Variants in CTNND2 observed in about 807,000 individuals in gnomAD.
The protein encoded by CTNND2 is catenin delta 2, also known as catenin delta-2.
A neutral mutation model predicts 144.4 loss-of-function variants in CTNND2; 22 were observed. The observed-to-expected ratio is 0.15, with a 90% CI of 0.11 to 0.22. The LOEUF is 0.22. Among genes scored for constraint, CTNND2 ranks in the 10% least tolerant of loss-of-function variants. The probability of loss-of-function intolerance (pLI) is 1.00; values close to 1 mark genes in which losing one functional copy is unlikely to be tolerated. For synonymous variants in CTNND2, 751 were observed against 695.6 expected (o/e 1.08, Z -1.25); for missense variants, 1,353 against 1,618.8 (o/e 0.84, Z 2.82).
intron 13 of CTNND2, among the ~76,000 whole-genome samples, chr5:11,111,658 C>CGG (rs1360413064): frequency 1.3e-5 from 2 of 152,236 alleles, no homozygotes; most frequent in South Asian, 2.1e-4. Context: ...GTTGTGGAGC[C>CGG]AGACACCTGT....
At chr5:11,526,998 T>C (rs1262155272) in intron 3 of CTNND2, among the ~76,000 whole-genome samples, 2 of 152,148 alleles carry the variant, frequency 1.3e-5, no homozygotes, top group African/African-American at 2.4e-5. Flanking sequence ...GGACAAATAC[T>C]GTATGAATCT....
At chr5:11,854,316 A>G (rs960996357) in intron 1 of CTNND2, among the ~76,000 whole-genome samples, 1 of 152,056 alleles carries the variant, frequency 6.6e-6, no homozygotes, top group African/African-American at 2.4e-5. Context: ...CTCCACTTTT[A>G]TTTTGTTTTC....
At chr5:11,728,432 C>T (rs144045266) in intron 2 of CTNND2, among the ~76,000 whole-genome samples, 2,296 of 152,146 alleles carry the variant, frequency 0.015, 64 homozygotes, top group African/African-American at 0.052. Context: ...GAGCCAAGAT[C>T]GCACCACCGC....
intron 1 of CTNND2, among the ~76,000 whole-genome samples, chr5:11,781,149 G>C (rs2126848088): frequency 6.6e-6 from 1 of 152,156 alleles, no homozygotes; most frequent in Middle Eastern, 3.4e-3. Flanking sequence ...CAGTCACTAG[G>C]GGTTTGGCAA....
At chr5:11,731,646 T>C (rs1787396204) in intron 2 of CTNND2, among the ~76,000 whole-genome samples, 1 of 152,174 alleles carries the variant, frequency 6.6e-6, no homozygotes, top group Admixed American at 6.5e-5. Context: ...TCGTTCAGAC[T>C]TTCATTAGTT....
intron 1 of CTNND2, among the ~76,000 whole-genome samples, chr5:11,890,842 G>A (rs1278239334): frequency 6.6e-6 from 1 of 152,194 alleles, no homozygotes; most frequent in Non-Finnish European, 1.5e-5. Flanking sequence ...GGCCAAAGTG[G>A]CTAGAGCCTA....
chr5:11,404,129 G>A (rs562328786), intron 5 of CTNND2, among the ~76,000 whole-genome samples: 3 of 152,320 alleles, frequency 2.0e-5, no homozygotes. Context: ...GGGACATGAT[G>A]TTGTTACATG....
At chr5:11,619,202 G>A (rs1306146714) in intron 2 of CTNND2, among the ~76,000 whole-genome samples, 2 of 152,148 alleles carry the variant, frequency 1.3e-5, no homozygotes. Flanking sequence ...GAGGTATGGA[G>A]TTCGAGACCA....
chr5:11,288,181 C>T (rs369927138), intron 9 of CTNND2, among the ~76,000 whole-genome samples: 5 of 152,034 alleles, frequency 3.3e-5, no homozygotes, highest in African/African-American at 7.2e-5. Context: ...GCATGGGAGA[C>T]GCCTGCTATA....
chr5:11,712,493 T>C (rs1292612386), intron 2 of CTNND2, among the ~76,000 whole-genome samples: 3 of 152,168 alleles, frequency 2.0e-5, no homozygotes, highest in African/African-American at 4.8e-5. Context: ...GAAATGTTTG[T>C]ACTGTTCTGT....
At position 11,741,898 on chromosome 5, in the gene CTNND2, C is replaced by T. The variant is rs181555960; in HGVS notation, c.38-9626G>A. On this transcript the variant is annotated intron_variant, in intron 1 of 21. Transcript: ENST00000304623. Reference sequence around the variant, plus strand: ...AAAAGGAATGAAATAATGTTATTTGCAGTGACCTGGATGGAATTGGAGCCA... The same window carrying T: ...AAAAGGAATGAAATAATGTTATTTGTAGTGACCTGGATGGAATTGGAGCCA... 2.4e-3 allele frequency among the ~76,000 whole-genome samples: 359 copies of T among 150,994 alleles called. 1 individual carries two copies. The highest frequency in any genetic ancestry group is 8.3e-3 in the African/African-American group (341 of 41,086).
At chr5:11,860,154 T>C (rs561697981) in intron 1 of CTNND2, among the ~76,000 whole-genome samples, 2 of 152,330 alleles carry the variant, frequency 1.3e-5, no homozygotes, top group African/African-American at 2.4e-5. Context: ...TTTTATCAGA[T>C]TGGCCATAAA....
At chr5:11,802,842 A>G (rs906398551) in intron 1 of CTNND2, among the ~76,000 whole-genome samples, 8 of 152,202 alleles carry the variant, frequency 5.3e-5, no homozygotes, top group African/African-American at 1.7e-4. Flanking sequence ...AGTCCCTTCT[A>G]TGAGCATGTG....
intron 1 of CTNND2, among the ~76,000 whole-genome samples, chr5:11,808,801 T>C (rs1792151195): frequency 6.6e-6 from 1 of 152,184 alleles, no homozygotes; most frequent in Admixed American, 6.6e-5. Context: ...ATTTTCTTAG[T>C]AAAAACAACA....
At position 11,879,356 on chromosome 5, in the gene CTNND2, T is replaced by TATATATATATATATATATAC. The variant is rs904010417; in HGVS notation, c.37+24460_37+24461insGTATATATATATATATATAT. On this transcript the variant is annotated intron_variant, in intron 1 of 21. Coordinates refer to ENST00000304623, the MANE Select transcript of CTNND2 (RefSeq NM_001332.4). ...TTAAATGTGTGTATATATATATATA[T>TATATATATATATATATATAC]ACATATACACACACACACAAACATA... is the stretch of plus-strand genomic sequence containing the variant. 3.5e-4 allele frequency among the ~76,000 whole-genome samples: 50 copies of TATATATATATATATATATAC among 141,414 alleles called. 1 individual carries two copies. Among genetic ancestry groups the TATATATATATATATATATAC allele is most frequent in the South Asian group, 9.1e-4 (4 of 4,378 alleles). The allele number at this position is 141,414 out of a possible 152,430, so 92.8% of individuals were successfully genotyped here.
intron 3 of CTNND2, among the ~76,000 whole-genome samples, chr5:11,535,463 A>G (rs973502241): frequency 3.9e-5 from 6 of 152,206 alleles, no homozygotes; most frequent in Non-Finnish European, 1.5e-5. Flanking sequence ...TATAGGTAGT[A>G]TCATGATAAC....
At chr5:11,015,068 G>C (rs1354183166) in intron 18 of CTNND2, among the ~76,000 whole-genome samples, 1 of 151,952 alleles carries the variant, frequency 6.6e-6, no homozygotes, top group Non-Finnish European at 1.5e-5. Context: ...TTTTCCTTTG[G>C]AACGCTTCCT....
intron 9 of CTNND2, among the ~76,000 whole-genome samples, chr5:11,304,072 T>C (rs1749906713): frequency 6.6e-6 from 1 of 152,190 alleles, no homozygotes; most frequent in South Asian, 2.1e-4. Flanking sequence ...CCCAGCCACG[T>C]GGAACTGTGA....
rs548645836 is a variant in CTNND2 at position 11,221,522 on chromosome 5, G to A, written c.1761+15169C>T. 3.3e-5 allele frequency among the ~76,000 whole-genome samples: 5 copies of A among 152,300 alleles called. No homozygotes were observed. In the South Asian group the frequency reaches 1.0e-3, roughly 32 times the overall value. On this transcript the variant is annotated intron_variant, in intron 10 of 21. Transcript: ENST00000304623. The stretch of plus-strand genomic sequence containing the variant: ...AGTCTAAGATCATTTGCATAGGGTG[G>A]ATTAATGAAACAGAGATTGCAAAAA...
Sources: gnomAD v4.1 joint callset for allele counts (sites outside exome capture counted in the v4.1 genomes callset) on GRCh38, gnomAD v4.1.1 for gene constraint, MANE v1.5 for transcripts, NCBI Gene and HGNC (gene_info 2026-07-23, HGNC 2026-07-21) for gene names.